IL1RAP: variants seen among roughly 807,000 people sequenced by gnomAD.
IL1RAP encodes interleukin 1 receptor accessory protein.
Under a neutral mutation model 60.7 loss-of-function variants are expected in IL1RAP, and 35 were observed. The observed-to-expected ratio is 0.58, with a 90% confidence interval of 0.44 to 0.76. The LOEUF (loss-of-function observed/expected upper bound fraction) is 0.76. Among genes scored for constraint, IL1RAP ranks in the 30% least tolerant of loss-of-function variants. IL1RAP has a pLI of 0.00. For synonymous variants in IL1RAP, 268 were observed against 250.9 expected, an observed-to-expected ratio of 1.07 and a Z score of -0.64; for missense variants, 572 against 693.9, an observed-to-expected ratio of 0.82 and a Z score of 1.97.
At chr3:190,627,273 T>TGTTTC in intron 7 of IL1RAP, 50 bp from the exon 8 acceptor site, 1 of 1,413,022 alleles carries the variant, frequency 7.1e-7, no homozygotes, top group Non-Finnish European at 9.6e-7. Context: ...TGTTTTGTTT[T>TGTTTC]GTTTTGTTTT....
At chr3:190,587,117 A>G (rs1405089516) in intron 3 of IL1RAP, among the ~76,000 whole-genome samples, 2 of 152,230 alleles carry the variant, frequency 1.3e-5, no homozygotes, top group Admixed American at 6.5e-5. Flanking sequence ...ATAGAGATGG[A>G]CAGGGTTACA....
chr3:190,577,149 A>G (rs1352503268), intron 3 of IL1RAP, among the ~76,000 whole-genome samples: 5 of 152,202 alleles, frequency 3.3e-5, no homozygotes, highest in Admixed American at 2.0e-4. Flanking sequence ...AACATTGGAA[A>G]CAATATAAAT....
chr3:190,527,406 G>A (rs1168062614), intron 1 of IL1RAP, among the ~76,000 whole-genome samples: 1 of 152,144 alleles, frequency 6.6e-6, no homozygotes, highest in African/African-American at 2.4e-5. Flanking sequence ...GCAGGGCTGT[G>A]GTGATAAAAT....
chr3:190,600,396 C>T (rs1371899461), intron 3 of IL1RAP, among the ~76,000 whole-genome samples: 1 of 152,152 alleles, frequency 6.6e-6, no homozygotes, highest in Non-Finnish European at 1.5e-5. Context: ...ATATAGCTGT[C>T]ATTCTGTCTT....
chr3:190,615,759 A>G (rs10049469), intron 5 of IL1RAP, among the ~76,000 whole-genome samples: 103,874 of 152,040 alleles, frequency 0.68, 35,998 homozygotes, highest in East Asian at 0.83. Context: ...CTCTTAGAAA[A>G]TAGGAAAATA....
intron 6 of IL1RAP, among the ~76,000 whole-genome samples, chr3:190,621,276 A>C (rs147305055): frequency 0.015 from 2,327 of 152,312 alleles, 52 homozygotes; most frequent in African/African-American, 0.046. Flanking sequence ...GTCTCTGCTC[A>C]GGGCTTTTTC....
intron 1 of IL1RAP, among the ~76,000 whole-genome samples, chr3:190,529,208 C>T (rs1057023594): frequency 3.9e-5 from 6 of 152,100 alleles, no homozygotes; most frequent in Non-Finnish European, 7.4e-5. Context: ...TGGCTTCAGA[C>T]GGAGGAGTTT....
intron 1 of IL1RAP, chr3:190,517,978 G>A (rs1465203577): frequency 6.6e-6 from 1 of 151,676 alleles, no homozygotes; most frequent in Non-Finnish European, 1.5e-5. Flanking sequence ...GGAAAAAAAA[G>A]AAGAAGAAAA....
At chr3:190,629,670 GATACTCAAA>G (rs1246610186) in intron 9 of IL1RAP, 172 bp downstream of exon 9, 16 of 1,346,800 alleles carry the variant, frequency 1.2e-5, no homozygotes, top group Non-Finnish European at 1.5e-5. Flanking sequence ...ATCTATGTAA[GATACTCAAA>G]ATATTGTTTC....
At chr3:190,548,252 T>A (rs1033187304) in intron 1 of IL1RAP, among the ~76,000 whole-genome samples, 10 of 152,198 alleles carry the variant, frequency 6.6e-5, no homozygotes, top group African/African-American at 2.4e-4. Flanking sequence ...CCTGACTAGA[T>A]AATGCAGCGT....
At chr3:190,532,236 A>G (rs1723044704) in intron 1 of IL1RAP, among the ~76,000 whole-genome samples, 1 of 151,894 alleles carries the variant, frequency 6.6e-6, no homozygotes, top group South Asian at 2.1e-4. Flanking sequence ...GGTGCTTTAC[A>G]AAATTACCTC....
intron 11 of IL1RAP, among the ~76,000 whole-genome samples, chr3:190,647,164 C>T (rs1734071621): frequency 6.6e-6 from 1 of 152,148 alleles, no homozygotes; most frequent in Non-Finnish European, 1.5e-5. Flanking sequence ...GACTCTGGGT[C>T]TCTTGCCATG....
chr3:190,528,798 G>A (rs1722726238), intron 1 of IL1RAP, among the ~76,000 whole-genome samples: 1 of 152,206 alleles, frequency 6.6e-6, no homozygotes, highest in Non-Finnish European at 1.5e-5. Context: ...GCTTTATAAG[G>A]AAGTTGTATT....
chr3:190,563,787 T>C (rs1266223718), intron 2 of IL1RAP, among the ~76,000 whole-genome samples: 1 of 152,208 alleles, frequency 6.6e-6, no homozygotes, highest in African/African-American at 2.4e-5. Context: ...AGTACCTGGA[T>C]TGTAAAGTAT....
At chr3:190,540,258 T>A (rs2108560203) in intron 1 of IL1RAP, among the ~76,000 whole-genome samples, 1 of 152,196 alleles carries the variant, frequency 6.6e-6, no homozygotes, top group East Asian at 1.9e-4. Flanking sequence ...TTCCGTCCTC[T>A]CTGCCTTCCT....
intron 11 of IL1RAP, among the ~76,000 whole-genome samples, chr3:190,647,949 A>C (rs983773503): frequency 4.6e-5 from 7 of 152,190 alleles, no homozygotes. Flanking sequence ...TCTTTGGTGA[A>C]GAAAGGGCTC....
chr3:190,592,908 C>T (rs940317535), intron 3 of IL1RAP, among the ~76,000 whole-genome samples: 2 of 151,870 alleles, frequency 1.3e-5, no homozygotes, highest in East Asian at 1.9e-4. Flanking sequence ...TATTTTTTAA[C>T]TGGATGGAAC....
chr3:190,514,886 G>A (rs572510586), intron 1 of IL1RAP, among the ~76,000 whole-genome samples: 1 of 152,324 alleles, frequency 6.6e-6, no homozygotes, highest in East Asian at 1.9e-4. Flanking sequence ...CCTCACTTGG[G>A]AAGAGCTGAC....
At chr3:190,654,892 G>A (rs886288200), downstream of IL1RAP, among the ~76,000 whole-genome samples, 1 of 152,174 alleles carries the variant, frequency 6.6e-6, no homozygotes, top group Non-Finnish European at 1.5e-5. Context: ...TTTATTTGAA[G>A]AACTTTCCCT....
Sources: gnomAD v4.1 joint callset for allele counts (sites outside exome capture counted in the v4.1 genomes callset) on GRCh38, gnomAD v4.1.1 for gene constraint, MANE v1.5 for transcripts, NCBI Gene and HGNC (gene_info 2026-07-23, HGNC 2026-07-21) for gene names.